The following GRXCR1 variants were observed in gnomAD, a reference collection of about 807,000 sequenced individuals.
GRXCR1 encodes the protein glutaredoxin domain-containing cysteine-rich protein 1.
In GRXCR1, 27 loss-of-function variants were observed where a neutral mutation model predicts 27.3. The ratio of observed to expected loss-of-function variants is 0.99; its 90% CI spans 0.73 to 1.37. GRXCR1 has a LOEUF of 1.37. Ranked by LOEUF, GRXCR1 falls within the 40% of genes most tolerant of loss-of-function variation. The pLI, the probability that GRXCR1 is intolerant of heterozygous loss-of-function variation, is 0.00. For synonymous variants in GRXCR1, 122 were observed against 131.1 expected (o/e 0.93, Z 0.47); for missense variants, 379 against 354.4 (o/e 1.07, Z -0.56).
intron 1 of GRXCR1, among the ~76,000 whole-genome samples, chr4:42,932,619 T>TATAGAG (rs1249820617): frequency 8.7e-5 from 2 of 22,922 alleles, no homozygotes; most frequent in East Asian, 1.7e-3. Context: ...TATATATATA[T>TATAGAG]AGAGAGAGAG....
At chr4:42,936,208 C>T (rs955053191) in intron 1 of GRXCR1, among the ~76,000 whole-genome samples, 1 of 151,758 alleles carries the variant, frequency 6.6e-6, no homozygotes, top group Non-Finnish European at 1.5e-5. Flanking sequence ...TTTATTGAAA[C>T]TGATGTTCAA....
At chr4:42,927,570 A>G (rs1424146375) in intron 1 of GRXCR1, among the ~76,000 whole-genome samples, 2 of 152,002 alleles carry the variant, frequency 1.3e-5, no homozygotes, top group Non-Finnish European at 2.9e-5. Context: ...CTTTCACCCA[A>G]GTTCTTGCTA....
chr4:42,957,077 T>C (rs1748021377), intron 1 of GRXCR1, among the ~76,000 whole-genome samples: 1 of 152,054 alleles, frequency 6.6e-6, no homozygotes, highest in South Asian at 2.1e-4. Context: ...GTTATCTTCC[T>C]CCCATCTTAA....
chr4:42,991,265 G>T (rs2109791102), intron 2 of GRXCR1, among the ~76,000 whole-genome samples: 1 of 151,960 alleles, frequency 6.6e-6, no homozygotes, highest in African/African-American at 2.4e-5. Context: ...AACATAATTG[G>T]ATTTTATATA....
In GRXCR1 at chr4:42,963,137, A is replaced by G; in HGVS notation, c.627+3A>G. On this transcript the variant is annotated splice_donor_region_variant and intron_variant, in intron 2 of 3. Coordinates refer to ENST00000399770, the MANE Select transcript of GRXCR1 (RefSeq NM_001080476.3). ...TCATTGATGGCCATTACCTTGGGGT[A>G]AGTAAGCTGCCCAGGAAAGTCTTTT... 1.2e-6 allele frequency: 2 copies of G among 1,612,528 alleles called. No homozygotes were observed. The highest frequency in any genetic ancestry group is 1.7e-6 in the Non-Finnish European group (2 of 1,178,860).
Position 42,962,954 on chromosome 4 carries a change from C to G in GRXCR1, c.447C>G (p.Val149=). The part of the protein sequence containing the change: ...VVIYTTCLRV[V]RTTFERCELV... ...TTTATACCACCTGCCTTCGTGTGGT[C>G]CGGACAACCTTTGAAAGATGTGAAC... Residue 149 remains valine (V), a synonymous_variant, in exon 2 of 4, where the codon GTC becomes GTG. Coordinates refer to ENST00000399770, the MANE Select transcript of GRXCR1 (RefSeq NM_001080476.3). 1 of 1,612,668 alleles carries G rather than the reference C, an allele frequency of 6.2e-7. No individual in the cohort carries two copies.
At chr4:42,947,714 C>A (rs1253569688) in intron 1 of GRXCR1, among the ~76,000 whole-genome samples, 1 of 152,170 alleles carries the variant, frequency 6.6e-6, no homozygotes, top group Non-Finnish European at 1.5e-5. Flanking sequence ...TTTCCAGAAA[C>A]AATTCCCAAT....
intron 3 of GRXCR1, among the ~76,000 whole-genome samples, chr4:43,021,195 G>T (rs982195623): frequency 6.6e-6 from 1 of 152,078 alleles, no homozygotes; most frequent in Admixed American, 6.5e-5. Context: ...CTAGATAAAA[G>T]AAAGGACTAT....
At chr4:42,904,590 TA>T (rs1459405682) in intron 1 of GRXCR1, among the ~76,000 whole-genome samples, 1 of 152,186 alleles carries the variant, frequency 6.6e-6, no homozygotes, top group Non-Finnish European at 1.5e-5. Context: ...TTAGTTTCTT[TA>T]TTGGTCAAAT....
chr4:42,980,566 C>A (rs75166031), intron 2 of GRXCR1, among the ~76,000 whole-genome samples: 1 of 152,002 alleles, frequency 6.6e-6, no homozygotes, highest in Non-Finnish European at 1.5e-5. Flanking sequence ...AACATGTGAT[C>A]TGTCCTGAAG....
intron 1 of GRXCR1, among the ~76,000 whole-genome samples, chr4:42,942,457 C>G (rs1264891109): frequency 1.3e-5 from 2 of 152,038 alleles, no homozygotes; most frequent in Non-Finnish European, 2.9e-5. Context: ...AAGAAAGTGA[C>G]AGTCTCATCC....
intron 1 of GRXCR1, among the ~76,000 whole-genome samples, chr4:42,926,462 T>G (rs2109753794): frequency 6.6e-6 from 1 of 151,868 alleles, no homozygotes; most frequent in South Asian, 2.1e-4. Flanking sequence ...CTTATATTTT[T>G]AAAACTCACC....
chr4:42,976,965 T>G (rs1453882259), intron 2 of GRXCR1, among the ~76,000 whole-genome samples: 1 of 152,010 alleles, frequency 6.6e-6, no homozygotes, highest in Non-Finnish European at 1.5e-5. Context: ...TCTCTACAAT[T>G]ATCCATCCCC....
chr4:42,903,820 C>T (rs1746523488), intron 1 of GRXCR1, among the ~76,000 whole-genome samples: 1 of 127,798 alleles, frequency 7.8e-6, no homozygotes, highest in Admixed American at 9.3e-5. Context: ...ATACTTGCCC[C>T]TCCCAAAAGG....
intron 2 of GRXCR1, among the ~76,000 whole-genome samples, chr4:42,978,578 C>G (rs1748576985): frequency 6.6e-6 from 1 of 151,764 alleles, no homozygotes; most frequent in African/African-American, 2.4e-5. Context: ...AGATTGTTTT[C>G]TTGATTTCTT....
chr4:42,936,496 C>G (rs1747460212), intron 1 of GRXCR1, among the ~76,000 whole-genome samples: 2 of 151,758 alleles, frequency 1.3e-5, no homozygotes, highest in Non-Finnish European at 2.9e-5. Context: ...CAAGGAGTTT[C>G]CATATGACCA....
chr4:42,987,040 G>T (rs1711750105), intron 2 of GRXCR1, among the ~76,000 whole-genome samples: 1 of 140,656 alleles, frequency 7.1e-6, no homozygotes, highest in Non-Finnish European at 1.6e-5. Flanking sequence ...GTGTTTAGGG[G>T]GTAAGTGTTG....
At chr4:43,014,817 GT>G (rs1327800355) in intron 2 of GRXCR1, among the ~76,000 whole-genome samples, 3 of 152,118 alleles carry the variant, frequency 2.0e-5, no homozygotes, top group Admixed American at 2.0e-4. Context: ...AACTGAATAA[GT>G]TAATACAGCA....
intron 1 of GRXCR1, among the ~76,000 whole-genome samples, chr4:42,907,781 T>C (rs1469202835): frequency 6.6e-6 from 1 of 152,194 alleles, no homozygotes; most frequent in Non-Finnish European, 1.5e-5. Flanking sequence ...GCTATAACTT[T>C]AAGTTTAGTG....
Sources: allele counts gnomAD v4.1 joint callset (sites outside exome capture counted in the v4.1 genomes callset), GRCh38; gene constraint gnomAD v4.1.1; transcripts MANE v1.5; gene names NCBI Gene and HGNC (gene_info 2026-07-23, HGNC 2026-07-21).